The following POLN variants were observed in gnomAD, a reference collection of about 807,000 sequenced individuals.
POLN encodes DNA polymerase nu.
Under a neutral mutation model 113.5 loss-of-function variants are expected in POLN, and 108 were observed. The observed-to-expected ratio is 0.95, with a 90% CI of 0.81 to 1.12. The LOEUF (loss-of-function observed/expected upper bound fraction) is 1.12. Ranked by LOEUF, POLN falls within the 50% of genes most tolerant of loss-of-function variation. The pLI is 0.00. For missense variants in POLN, 1,097 were observed against 1,077.1 expected (o/e 1.02, Z -0.26); for synonymous variants, 386 against 391.5 (o/e 0.99, Z 0.17).
At chr4:2,192,082 T>G (rs1375166274) in intron 7 of POLN, among the ~76,000 whole-genome samples, 7 of 138,826 alleles carry the variant, frequency 5.0e-5, no homozygotes. Context: ...GCAACTGCAC[T>G]CTAGCCTGGG....
intron 25 of POLN, among the ~76,000 whole-genome samples, chr4:2,072,698 C>A (rs910626655): frequency 3.3e-5 from 5 of 152,156 alleles, no homozygotes; most frequent in Non-Finnish European, 7.4e-5. Context: ...TCCCGGGGGT[C>A]CCTGACCTTG....
chr4:2,240,258 A>C, intron 2 of POLN: 2 of 1,613,840 alleles, frequency 1.2e-6, no homozygotes. Flanking sequence ...TGAACTTTCA[A>C]CTACTTCATG....
chr4:2,191,236 G>A (rs1429394325), intron 7 of POLN, among the ~76,000 whole-genome samples: 1 of 152,202 alleles, frequency 6.6e-6, no homozygotes, highest in Non-Finnish European at 1.5e-5. Flanking sequence ...AGTGAAATAA[G>A]CCAAGCACAG....
intron 20 of POLN, among the ~76,000 whole-genome samples, chr4:2,086,932 G>A (rs1027996294): frequency 6.6e-6 from 1 of 152,258 alleles, no homozygotes; most frequent in Non-Finnish European, 1.5e-5. Flanking sequence ...ACCCTCTGGA[G>A]GAATGGGACC....
intron 2 of POLN, chr4:2,240,000 A>G: frequency 6.7e-7 from 1 of 1,498,974 alleles, no homozygotes; most frequent in Non-Finnish European, 9.3e-7. Flanking sequence ...TCCTAACAAT[A>G]ATTACAATGT....
intron 3 of POLN, among the ~76,000 whole-genome samples, chr4:2,216,428 T>C (rs2108767768): frequency 6.6e-6 from 1 of 152,356 alleles, no homozygotes; most frequent in African/African-American, 2.4e-5. Flanking sequence ...TGATTTGCAG[T>C]GCAGACTGCA....
chr4:2,237,574 G>C (rs28385555), intron 2 of POLN, among the ~76,000 whole-genome samples: 16 of 152,068 alleles, frequency 1.1e-4, no homozygotes, highest in Admixed American at 1.0e-3. Flanking sequence ...AATTTGAAAC[G>C]GAAGACCTAG....
At chr4:2,085,780 C>T (rs765256669) in intron 20 of POLN, 36 bp from the exon 21 acceptor site, 2 of 1,609,788 alleles carry the variant, frequency 1.2e-6, no homozygotes, top group East Asian at 4.5e-5. Flanking sequence ...AAGCCTCACT[C>T]ACACCAGCCG....
In POLN at chr4:2,127,683, G is replaced by T. The variant is rs538375744; in HGVS notation, c.1982+430C>A. ...TCTGCCTCTGGAATTCTCTGTGAGT[G>T]TAAGCCACTCAGGCAGGATCTTTCA... On this transcript the variant is annotated intron_variant, in intron 19 of 25. Transcript: ENST00000511885. The surrounding 1 kb of genome is among the most constrained non-coding windows in gnomAD (Gnocchi z 4.7). Among the ~76,000 whole-genome samples, 2 of 152,244 alleles carry T rather than the reference G, an allele frequency of 1.3e-5. No individual in the cohort carries two copies. Among genetic ancestry groups the T allele is most frequent in the Non-Finnish European group, 1.5e-5 (1 of 68,044 alleles).
chr4:2,169,583 G>T (rs536447881), intron 13 of POLN, among the ~76,000 whole-genome samples: 1 of 152,142 alleles, frequency 6.6e-6, no homozygotes, highest in East Asian at 1.9e-4. Flanking sequence ...ACACACACAC[G>T]CACACACACT....
intron 20 of POLN, chr4:2,088,964 GA>G: frequency 3.2e-6 from 3 of 929,764 alleles, no homozygotes; most frequent in Non-Finnish European, 5.1e-6. Context: ...CCGAGACAGA[GA>G]AAAAGGTGGT....
chr4:2,229,011 T>C, intron 3 of POLN, 88 bp downstream of exon 3: 1 of 1,342,186 alleles, frequency 7.5e-7, no homozygotes, highest in Non-Finnish European at 1.0e-6. Flanking sequence ...TTCATCTGTC[T>C]ACATGCATTC....
chr4:2,215,329 C>T (rs188384148), intron 3 of POLN, among the ~76,000 whole-genome samples: 45 of 152,238 alleles, frequency 3.0e-4, no homozygotes, highest in African/African-American at 9.9e-4. Flanking sequence ...CTTATGCACA[C>T]GAAGATGTTA....
chr4:2,227,004 G>C (rs1406645467), intron 3 of POLN, among the ~76,000 whole-genome samples: 1 of 152,170 alleles, frequency 6.6e-6, no homozygotes, highest in Non-Finnish European at 1.5e-5. Context: ...ATCTGTGGTG[G>C]AAAGACTCCA....
rs537343813 is a variant in POLN, at chr4:2,211,198, G to A, written c.213+1849C>T. 9.4e-5 allele frequency among the ~76,000 whole-genome samples: 14 copies of A among 148,356 alleles called. No homozygotes were observed. The South Asian group carries it at 2.3e-3, about 25-fold the overall frequency. On this transcript the variant is annotated intron_variant, in intron 4 of 25. Coordinates refer to ENST00000511885, the MANE Select transcript of POLN (RefSeq NM_181808.4). ...CAGGAGGCGGAGGTTGCAGTGAGCC[G>A]AGATCACACCACTGCACTCCAGTGC...
rs925825652 is a variant in POLN, at chr4:2,156,573, C to A, written c.1731+215G>T. On this transcript the variant is annotated intron_variant, in intron 16 of 25. Coordinates refer to ENST00000511885, the MANE Select transcript of POLN (RefSeq NM_181808.4). ...AGTGCATGGGTTTCTGGGTGTGAAG[C>A]CCCCCTCTTGCTAACTCAGCACTTC... 7 of 639,728 alleles carry A rather than the reference C, an allele frequency of 1.1e-5. No individual in the cohort carries two copies. In the African/African-American group the frequency reaches 1.1e-4, roughly 10 times the overall value. The allele number at this position is 639,728 out of a possible 1,614,324, so 39.6% of individuals were successfully genotyped here. A position where few individuals can be genotyped will look rare whatever the true frequency, so the allele number is the denominator to read the frequency against.
chr4:2,101,689 A>G (rs1287768778), intron 19 of POLN, among the ~76,000 whole-genome samples: 3 of 152,220 alleles, frequency 2.0e-5, no homozygotes, highest in African/African-American at 7.2e-5. Flanking sequence ...GCCATGAAAC[A>G]ATGGCGTTAG....
In POLN at chr4:2,127,614, G is replaced by C. The variant is rs1480676616; in HGVS notation, c.1982+499C>G. On this transcript the variant is annotated intron_variant, in intron 19 of 25. Coordinates refer to ENST00000511885, the MANE Select transcript of POLN (RefSeq NM_181808.4). The surrounding 1 kb of genome is among the most constrained non-coding windows in gnomAD (Gnocchi z 4.7). ...CTGAGAATATGATGAAAAAGGACGG[G>C]CCTGGGACGACACTGCCAAGCTGCC... Among the ~76,000 whole-genome samples the C allele has an allele frequency of 6.6e-6, 1 of 152,200 alleles. No individual in the cohort carries two copies. Among genetic ancestry groups the C allele is most frequent in the Non-Finnish European group, 1.5e-5 (1 of 68,038 alleles).
At chr4:2,240,171 C>A in intron 2 of POLN, 2 of 1,613,942 alleles carry the variant, frequency 1.2e-6, no homozygotes, top group Middle Eastern at 1.6e-4. Context: ...CATCTCTAGT[C>A]GTCTCTCCTC....
Sources: gnomAD v4.1 joint callset for allele counts (sites outside exome capture counted in the v4.1 genomes callset) on GRCh38, gnomAD v4.1.1 for gene constraint, Gnocchi (gnomAD v3.1) non-coding constraint, MANE v1.5 for transcripts, NCBI Gene and HGNC (gene_info 2026-07-23, HGNC 2026-07-21) for gene names.